EDIL3: variants seen among roughly 807,000 people sequenced by gnomAD.
The protein encoded by EDIL3 is EGF like and discoidin domains 3.
Under a neutral mutation model 67.4 loss-of-function variants are expected in EDIL3, and 37 were observed. The ratio of observed to expected loss-of-function variants is 0.55; its 90% CI spans 0.42 to 0.72. The LOEUF is 0.72. Among genes scored for constraint, EDIL3 ranks in the 30% least tolerant of loss-of-function variants. The pLI, the probability that EDIL3 is intolerant of heterozygous loss-of-function variation, is 0.00. For missense variants in EDIL3, 527 were observed against 586.3 expected (o/e 0.90, Z 1.04); for synonymous variants, 195 against 196.3 (o/e 0.99, Z 0.05).
In EDIL3 at chr5:84,356,599, A is replaced by G. The variant is rs1393944787; in HGVS notation, c.67+27709T>C. Among the ~76,000 whole-genome samples the G allele has an allele frequency of 2.4e-4, 37 of 152,202 alleles. 1 individual carries two copies. Among genetic ancestry groups the G allele is most frequent in the Admixed American group, 2.4e-3 (37 of 15,282 alleles). On this transcript the variant is annotated intron_variant, in intron 1 of 10. Coordinates refer to ENST00000296591, the MANE Select transcript of EDIL3 (RefSeq NM_005711.5). ...CTTGTAATTACATTGAGCCCAGCAG[A>G]TAATCCAGGATAATCTCCCCATTTC... is the stretch of plus-strand genomic sequence containing the variant.
chr5:84,157,560 G>A (rs1370424043), intron 4 of EDIL3, among the ~76,000 whole-genome samples: 1 of 151,968 alleles, frequency 6.6e-6, no homozygotes, highest in Non-Finnish European at 1.5e-5. Flanking sequence ...ATCTCATTCT[G>A]CATAGTCAAC....
intron 3 of EDIL3, among the ~76,000 whole-genome samples, chr5:84,205,025 G>A (rs1398622986): frequency 1.3e-5 from 2 of 151,716 alleles, no homozygotes; most frequent in Non-Finnish European, 2.9e-5. Flanking sequence ...CAATCCTCCA[G>A]CTTCAGCCTC....
chr5:84,333,924 T>A (rs1746928909), intron 1 of EDIL3, among the ~76,000 whole-genome samples: 1 of 152,134 alleles, frequency 6.6e-6, no homozygotes, highest in African/African-American at 2.4e-5. Flanking sequence ...AGGGCCATGA[T>A]TTAAAAAGTG....
At chr5:84,141,906 CAT>C (rs1178660927) in intron 4 of EDIL3, among the ~76,000 whole-genome samples, 34 of 96,794 alleles carry the variant, frequency 3.5e-4, no homozygotes, top group Admixed American at 1.1e-3. Flanking sequence ...ACAAACTACT[CAT>C]ATATATATAT....
rs760523965 is a variant in EDIL3, at chr5:84,075,461, GCTTCTT to G, written c.652-8861_652-8856del. 5.7e-3 allele frequency among the ~76,000 whole-genome samples: 860 copies of G among 151,914 alleles called. 8 individuals carry two copies. The highest frequency in any genetic ancestry group is 0.019 in the African/African-American group (795 of 41,466). On this transcript the variant is annotated intron_variant, in intron 6 of 10. Transcript: ENST00000296591. Reference sequence around the variant, plus strand: ...TTTGCAACATCCAAATTTGACAGGGGCTTCTTCTTCTTCTTCTTCTTCTTATTATTT... The same window carrying G: ...TTTGCAACATCCAAATTTGACAGGGGCTTCTTCTTCTTCTTCTTATTATTT...
chr5:84,244,700 C>G (rs542503128), intron 2 of EDIL3, among the ~76,000 whole-genome samples: 1 of 152,118 alleles, frequency 6.6e-6, no homozygotes, highest in African/African-American at 2.4e-5. Context: ...GTCATTCATC[C>G]GTTAGCCCTT....
In EDIL3 at chr5:84,291,373, G is replaced by A. The variant is rs577129864; in HGVS notation, c.68-37161C>T. Among the ~76,000 whole-genome samples the A allele has an allele frequency of 2.1e-4, 32 of 152,072 alleles. No homozygotes were observed. In the East Asian group the frequency reaches 2.7e-3, roughly 13 times the overall value. ...AGAACACTTGAATCAGGGAACAATC[G>A]CACTTTTTAAGACAGAGGTTATCAG... On this transcript the variant is annotated intron_variant, in intron 1 of 10. Coordinates refer to ENST00000296591, the MANE Select transcript of EDIL3 (RefSeq NM_005711.5).
At chr5:84,077,994 C>A (rs1409695054) in intron 6 of EDIL3, among the ~76,000 whole-genome samples, 1 of 151,674 alleles carries the variant, frequency 6.6e-6, no homozygotes, top group Non-Finnish European at 1.5e-5. Context: ...AAAAAAGATA[C>A]AACAATTTAC....
chr5:84,002,028 T>G (rs959325841), intron 9 of EDIL3, among the ~76,000 whole-genome samples: 5 of 151,870 alleles, frequency 3.3e-5, no homozygotes, highest in Admixed American at 2.6e-4. Context: ...GATACAAAAA[T>G]CTTCAAAAAA....
At chr5:84,363,719 C>T (rs1030402502) in intron 1 of EDIL3, among the ~76,000 whole-genome samples, 1 of 151,966 alleles carries the variant, frequency 6.6e-6, no homozygotes, top group African/African-American at 2.4e-5. Context: ...TTAGAGGTGA[C>T]AATTTTTTCA....
At chr5:84,035,955 C>T in intron 9 of EDIL3, among the ~76,000 whole-genome samples, 1 of 152,142 alleles carries the variant, frequency 6.6e-6, no homozygotes, top group South Asian at 2.1e-4. Context: ...ATTCTTCTGT[C>T]TTCATTTCTG....
intron 9 of EDIL3, among the ~76,000 whole-genome samples, chr5:83,966,572 C>G (rs1744694990): frequency 6.6e-6 from 1 of 152,062 alleles, no homozygotes; most frequent in Non-Finnish European, 1.5e-5. Context: ...TCAGCCTACT[C>G]TAACGGAACT....
chr5:84,199,961 A>AAAG (rs1462128165), intron 3 of EDIL3, among the ~76,000 whole-genome samples: 2 of 152,074 alleles, frequency 1.3e-5, no homozygotes, highest in African/African-American at 4.8e-5. Context: ...TGACTGAGGA[A>AAAG]AAGAAGCCCT....
rs557562901 is a variant in EDIL3, at chr5:83,994,378, G to A, written c.1138-31018C>T. ...AAATCCAATGGGAACAATTTCACAAGGCTTTTTTTTTTTTCATTTCAATTA... is the reference window on the plus strand; with the variant it reads ...AAATCCAATGGGAACAATTTCACAAAGCTTTTTTTTTTTTCATTTCAATTA... On this transcript the variant is annotated intron_variant, in intron 9 of 10. Transcript: ENST00000296591. Among the ~76,000 whole-genome samples, 13 of 86,226 alleles carry A rather than the reference G, an allele frequency of 1.5e-4. No homozygotes were observed. The East Asian group carries it at 5.0e-3, about 33-fold the overall frequency. The allele number at this position is 86,226 out of a possible 152,430, so 56.6% of individuals were successfully genotyped here. A position where few individuals can be genotyped will look rare whatever the true frequency, so the allele number is the denominator to read the frequency against.
At chr5:84,026,551 C>A (rs999048589) in intron 9 of EDIL3, among the ~76,000 whole-genome samples, 2 of 151,884 alleles carry the variant, frequency 1.3e-5, no homozygotes, top group African/African-American at 4.8e-5. Context: ...GTTCAATTTT[C>A]TTGGATTAAA....
intron 1 of EDIL3, among the ~76,000 whole-genome samples, chr5:84,344,528 A>C (rs1243605952): frequency 6.6e-6 from 1 of 152,088 alleles, no homozygotes; most frequent in East Asian, 1.9e-4. Flanking sequence ...TTCATATGTA[A>C]ATTTTATGAA....
chr5:84,281,018 AAATAAGTT>A (rs1390972879), intron 1 of EDIL3, among the ~76,000 whole-genome samples: 1 of 152,046 alleles, frequency 6.6e-6, no homozygotes. Context: ...TGTGAAAATT[AAATAAGTT>A]AATGTTTGCA....
At chr5:84,002,907 G>A (rs1745355893) in intron 9 of EDIL3, among the ~76,000 whole-genome samples, 1 of 152,086 alleles carries the variant, frequency 6.6e-6, no homozygotes, top group African/African-American at 2.4e-5. Context: ...TCTTCTCTAG[G>A]CAGGGCCCCT....
rs1006843852 is a variant in EDIL3, at chr5:83,940,797, T to C, written c.*2622A>G. The C allele has an allele frequency of 1.3e-5, 2 of 152,014 alleles. No individual in the cohort carries two copies. Among genetic ancestry groups the C allele is most frequent in the African/African-American group, 4.8e-5 (2 of 41,442 alleles). The allele number at this position is 152,014 out of a possible 1,614,324, so 9.4% of individuals were successfully genotyped here. A position where few individuals can be genotyped will look rare whatever the true frequency, so the allele number is the denominator to read the frequency against. ...AGACGCATTGAGTATATTTCATAAG[T>C]TGTTGACTAGCAAAGATACAATCAT... On this transcript the variant is annotated 3_prime_UTR_variant, in exon 11 of 11. Transcript: ENST00000296591.
Sources: gnomAD v4.1 joint callset for allele counts (sites outside exome capture counted in the v4.1 genomes callset) on GRCh38, gnomAD v4.1.1 for gene constraint, MANE v1.5 for transcripts, NCBI Gene and HGNC (gene_info 2026-07-23, HGNC 2026-07-21) for gene names.